The following ARL15 variants were observed in gnomAD, a reference collection of about 807,000 sequenced individuals.
ARL15 encodes ARF like GTPase 15.
Under a neutral mutation model 25.2 loss-of-function variants are expected in ARL15, and 19 were observed. The ratio of observed to expected loss-of-function variants is 0.75; its 90% CI spans 0.53 to 1.10. The LOEUF (loss-of-function observed/expected upper bound fraction) is 1.10, where lower values mean the gene tolerates loss of function less well. Ranked by LOEUF, ARL15 falls within the 50% of genes least tolerant of loss-of-function variation. The pLI is 0.00. For missense variants in ARL15, 220 were observed against 246.0 expected (o/e 0.89, Z 0.71); for synonymous variants, 94 against 86.8 (o/e 1.08, Z -0.46).
At chr5:54,081,210 T>A (rs1033324169) in intron 4 of ARL15, among the ~76,000 whole-genome samples, 1 of 152,120 alleles carries the variant, frequency 6.6e-6, no homozygotes, top group Non-Finnish European at 1.5e-5. Flanking sequence ...TATAAAGGAT[T>A]TTTGTGTCAA....
At chr5:54,016,754 T>C (rs1038038946) in intron 4 of ARL15, among the ~76,000 whole-genome samples, 4 of 152,246 alleles carry the variant, frequency 2.6e-5, no homozygotes, top group Non-Finnish European at 5.9e-5. Flanking sequence ...GTTAACCTCC[T>C]CATGCTACAT....
At chr5:54,169,969 A>T (rs1346673210) in intron 2 of ARL15, among the ~76,000 whole-genome samples, 1 of 152,168 alleles carries the variant, frequency 6.6e-6, no homozygotes, top group Non-Finnish European at 1.5e-5. Flanking sequence ...ACAGTTTCTT[A>T]TCTCAATTCT....
chr5:53,886,689 G>T lies in ARL15; in HGVS notation c.487C>A (p.Pro163Thr). ...ATCCAGCGTTTTCCACGTGCAAGTGGTTCAAGTTCAAAATATTTTTTGATC... is the reference window on the plus strand; with the variant it reads ...ATCCAGCGTTTTCCACGTGCAAGTGTTTCAAGTTCAAAATATTTTTTGATC... ...QEIKKYFELE[P>T]LARGKRWILQ... The change falls in exon 5 of 5, where the codon CCA (proline) becomes ACA (threonine). Residue 163 changes from proline to threonine, a missense_variant. Transcript: ENST00000504924. 6.4e-7 allele frequency: 1 copy of T among 1,561,472 alleles called. No homozygotes were observed. Among genetic ancestry groups the T allele is most frequent in the Non-Finnish European group, 8.7e-7 (1 of 1,154,028 alleles).
intron 4 of ARL15, among the ~76,000 whole-genome samples, chr5:54,071,221 G>A (rs151077022): frequency 7.2e-5 from 11 of 152,092 alleles, no homozygotes; most frequent in African/African-American, 2.7e-4. Flanking sequence ...CCCAGTCTCA[G>A]GTATTCAATT....
At chr5:54,070,356 C>T (rs548192771) in intron 4 of ARL15, among the ~76,000 whole-genome samples, 1 of 151,658 alleles carries the variant, frequency 6.6e-6, no homozygotes, top group East Asian at 2.0e-4. Flanking sequence ...CGCGCCACTG[C>T]ACCCCAGCCT....
chr5:53,908,509 C>A (rs556721311), intron 4 of ARL15, among the ~76,000 whole-genome samples: 1 of 152,152 alleles, frequency 6.6e-6, no homozygotes, highest in East Asian at 1.9e-4. Flanking sequence ...AATACTACAC[C>A]ATTTTCTTTC....
intron 4 of ARL15, among the ~76,000 whole-genome samples, chr5:54,030,069 G>A (rs1218785900): frequency 1.3e-5 from 2 of 152,122 alleles, no homozygotes; most frequent in African/African-American, 4.8e-5. Flanking sequence ...CAGCTACTTG[G>A]GAGGTTAAGG....
At chr5:54,128,921 G>A (rs936280666) in intron 3 of ARL15, among the ~76,000 whole-genome samples, 3 of 151,782 alleles carry the variant, frequency 2.0e-5, no homozygotes, top group African/African-American at 4.8e-5. Flanking sequence ...TAGCCAGGAC[G>A]GTCTCGATTT....
chr5:54,075,448 T>C (rs1429834649), intron 4 of ARL15: 2 of 154,108 alleles, frequency 1.3e-5, no homozygotes, highest in African/African-American at 4.8e-5. Flanking sequence ...AAACAGAAGC[T>C]AGAACAAAAC....
rs1241968754 is a variant in ARL15 at position 53,885,360 on chromosome 5, TAC to T, written c.*1199_*1200del. 6.6e-6 allele frequency: 1 copy of T among 152,594 alleles called. No homozygotes were observed. The highest frequency in any genetic ancestry group is 2.4e-5 in the African/African-American group (1 of 41,452). The allele number at this position is 152,594 out of a possible 1,614,324, so 9.5% of individuals were successfully genotyped here. ...AAGGTGCTAAACCTTAGTAAAACTG[TAC>T]ATTTATCCCTATGCAATTTTGTCAT... is the stretch of plus-strand genomic sequence containing the variant. On this transcript the variant is annotated 3_prime_UTR_variant, in exon 5 of 5. Coordinates refer to ENST00000504924, the MANE Select transcript of ARL15 (RefSeq NM_019087.3).
intron 1 of ARL15, among the ~76,000 whole-genome samples, chr5:54,267,110 G>A (rs1360762042): frequency 4.6e-5 from 7 of 152,130 alleles, no homozygotes; most frequent in Non-Finnish European, 8.8e-5. Context: ...TGTTCGTTTT[G>A]AATTGGGGTC....
chr5:54,225,294 C>A (rs77586559), intron 1 of ARL15, among the ~76,000 whole-genome samples: 3,707 of 152,232 alleles, frequency 0.024, 70 homozygotes, highest in Middle Eastern at 0.048. Flanking sequence ...GTCATGGGGA[C>A]TAGCGGAGAG....
At chr5:54,293,456 ACT>A in intron 1 of ARL15, among the ~76,000 whole-genome samples, 1 of 152,242 alleles carries the variant, frequency 6.6e-6, no homozygotes, top group South Asian at 2.1e-4. Context: ...GTTGGAAAAA[ACT>A]CCACTGCCTA....
intron 3 of ARL15, among the ~76,000 whole-genome samples, chr5:54,120,941 CT>C (rs1561231580): frequency 6.6e-6 from 1 of 152,082 alleles, no homozygotes; most frequent in Non-Finnish European, 1.5e-5. Context: ...AGTATTTTTT[CT>C]TTTTTATCAG....
chr5:54,176,789 C>T (rs1754885538), intron 1 of ARL15, among the ~76,000 whole-genome samples: 1 of 152,220 alleles, frequency 6.6e-6, no homozygotes, highest in South Asian at 2.1e-4. Context: ...TGCAATACAT[C>T]ATGCTACTAA....
At chr5:54,170,907 T>G (rs189177142) in intron 2 of ARL15, among the ~76,000 whole-genome samples, 109 of 152,314 alleles carry the variant, frequency 7.2e-4, no homozygotes, top group Non-Finnish European at 1.3e-3. Context: ...AACAATCTTT[T>G]CAACTTTCCA....
chr5:54,150,966 A>G (rs1349655989), intron 3 of ARL15, among the ~76,000 whole-genome samples: 1 of 152,096 alleles, frequency 6.6e-6, no homozygotes, highest in African/African-American at 2.4e-5. Flanking sequence ...GGCCCTGGGT[A>G]AAGTGCTGTA....
At chr5:53,918,705 T>A (rs544185315) in intron 4 of ARL15, among the ~76,000 whole-genome samples, 3 of 152,162 alleles carry the variant, frequency 2.0e-5, no homozygotes, top group Non-Finnish European at 4.4e-5. Context: ...GCTCTTAAAA[T>A]CTGGCTTTAA....
At chr5:54,163,722 C>G (rs540170389) in intron 2 of ARL15, among the ~76,000 whole-genome samples, 2 of 151,888 alleles carry the variant, frequency 1.3e-5, no homozygotes, top group Non-Finnish European at 2.9e-5. Flanking sequence ...TTATTAACCT[C>G]TTACTATTTA....
Sources: gnomAD v4.1 joint callset for allele counts (sites outside exome capture counted in the v4.1 genomes callset) on GRCh38, gnomAD v4.1.1 for gene constraint, MANE v1.5 for transcripts, NCBI Gene and HGNC (gene_info 2026-07-23, HGNC 2026-07-21) for gene names.